Variants in MYO3A observed in about 807,000 individuals in gnomAD.
The protein encoded by MYO3A is myosin IIIA, also known as myosin-IIIa.
MYO3A carries 180 observed loss-of-function variants against 192.7 expected under a neutral mutation model. That is an observed-to-expected ratio of 0.93 (90% confidence interval 0.83 to 1.06). The LOEUF is 1.06. Ranked by LOEUF, MYO3A falls within the 50% of genes least tolerant of loss-of-function variation. The probability of loss-of-function intolerance (pLI) is 0.00; values close to 1 mark genes in which losing one functional copy is unlikely to be tolerated. For missense variants in MYO3A, 1,896 were observed against 1,905.0 expected, an observed-to-expected ratio of 1.00 and a Z score of 0.09; for synonymous variants, 628 against 645.3, an observed-to-expected ratio of 0.97 and a Z score of 0.41.
At chr10:26,121,167 G>A (rs1838837705) in intron 18 of MYO3A, among the ~76,000 whole-genome samples, 1 of 150,764 alleles carries the variant, frequency 6.6e-6, no homozygotes, top group Admixed American at 6.6e-5. Flanking sequence ...AAGTAATAAA[G>A]ACCTGTATGT....
chr10:26,056,203 C>T (rs1441931932), intron 10 of MYO3A, among the ~76,000 whole-genome samples: 1 of 151,978 alleles, frequency 6.6e-6, no homozygotes, highest in Non-Finnish European at 1.5e-5. Context: ...AAATGAAGAA[C>T]AACCTTAATG....
At chr10:26,088,139 C>A in intron 14 of MYO3A, 64 bp from the exon 15 acceptor site, 1 of 1,280,308 alleles carries the variant, frequency 7.8e-7, no homozygotes. Flanking sequence ...AAAGAAGAGA[C>A]ATTTCATTAT....
At chr10:25,965,450 C>G (rs1270534704) in intron 4 of MYO3A, among the ~76,000 whole-genome samples, 1 of 152,022 alleles carries the variant, frequency 6.6e-6, no homozygotes, top group African/African-American at 2.4e-5. Context: ...TTCTCCTCTC[C>G]TCAGGGGGAA....
intron 17 of MYO3A, among the ~76,000 whole-genome samples, chr10:26,116,094 CA>C (rs937244663): frequency 6.6e-6 from 1 of 150,488 alleles, no homozygotes; most frequent in South Asian, 2.1e-4. Context: ...ATAAATTTAA[CA>C]AAAAAAAAGC....
chr10:25,984,805 T>G (rs756103218), intron 4 of MYO3A, among the ~76,000 whole-genome samples: 12 of 152,130 alleles, frequency 7.9e-5, no homozygotes, highest in Non-Finnish European at 1.2e-4. Context: ...AAATGATCAT[T>G]GGTCAACAAT....
chr10:26,015,942 A>G (rs149952743), intron 6 of MYO3A, among the ~76,000 whole-genome samples: 8 of 152,252 alleles, frequency 5.3e-5, no homozygotes, highest in Admixed American at 5.2e-4. Flanking sequence ...CCTAAAATTA[A>G]TGTGACTTTG....
At chr10:25,962,705 C>T (rs548120933) in intron 4 of MYO3A, among the ~76,000 whole-genome samples, 2 of 152,280 alleles carry the variant, frequency 1.3e-5, no homozygotes, top group East Asian at 3.9e-4. Context: ...GGATCAGTAT[C>T]AAGCGTGGAG....
intron 17 of MYO3A, among the ~76,000 whole-genome samples, chr10:26,105,235 A>AT (rs2131609609): frequency 6.6e-6 from 1 of 152,174 alleles, no homozygotes; most frequent in African/African-American, 2.4e-5. Flanking sequence ...TAGTAGTGGA[A>AT]TTTCTGGGTT....
chr10:25,949,493 G>A (rs1837066293), intron 2 of MYO3A, among the ~76,000 whole-genome samples: 1 of 152,082 alleles, frequency 6.6e-6, no homozygotes, highest in Non-Finnish European at 1.5e-5. Flanking sequence ...TCAAGTAGAT[G>A]TAAGAAGTAG....
intron 4 of MYO3A, among the ~76,000 whole-genome samples, chr10:25,981,773 A>C (rs755430963): frequency 3.3e-5 from 5 of 152,236 alleles, no homozygotes; most frequent in Admixed American, 2.0e-4. Flanking sequence ...AAAATGGTGG[A>C]TAGAAGGCAA....
chr10:26,094,635 A>G (rs1171102783), intron 15 of MYO3A, among the ~76,000 whole-genome samples: 1 of 152,134 alleles, frequency 6.6e-6, no homozygotes, highest in Admixed American at 6.5e-5. Context: ...CGTGTTAGCC[A>G]GGATGGTCTC....
At chr10:25,968,059 A>G (rs75837529) in intron 4 of MYO3A, among the ~76,000 whole-genome samples, 3 of 152,128 alleles carry the variant, frequency 2.0e-5, no homozygotes, top group African/African-American at 7.2e-5. Flanking sequence ...TTTGCTGAGC[A>G]CTAAGAAGCT....
At chr10:26,177,904 T>G (rs1332537053) in intron 31 of MYO3A, among the ~76,000 whole-genome samples, 1 of 152,228 alleles carries the variant, frequency 6.6e-6, no homozygotes, top group Non-Finnish European at 1.5e-5. Flanking sequence ...CCTTAATGTT[T>G]TCATCAATTA....
intron 14 of MYO3A, among the ~76,000 whole-genome samples, chr10:26,085,724 G>T (rs1836263648): frequency 6.6e-6 from 1 of 152,190 alleles, no homozygotes; most frequent in Non-Finnish European, 1.5e-5. Context: ...AGCTCCCTCA[G>T]CCAGGCTCAG....
At chr10:26,126,095 T>C (rs1839200537) in intron 19 of MYO3A, among the ~76,000 whole-genome samples, 1 of 152,184 alleles carries the variant, frequency 6.6e-6, no homozygotes. Context: ...GGTTCAGAAA[T>C]GCACTAGATA....
intron 4 of MYO3A, among the ~76,000 whole-genome samples, chr10:25,992,189 C>T (rs144440092): frequency 0.096 from 14,579 of 152,134 alleles, 1,243 homozygotes; most frequent in African/African-American, 0.22. Context: ...TTTTGTTTCA[C>T]TGAGCAGTGG....
At chr10:26,062,530 A>AAAAAACAAAAAAAAAAAAAAAAAACG (rs1554816581) in intron 10 of MYO3A, among the ~76,000 whole-genome samples, 4 of 125,940 alleles carry the variant, frequency 3.2e-5, no homozygotes, top group Non-Finnish European at 6.8e-5. Flanking sequence ...AAAAAAAAAA[A>AAAAAACAAAAAAAAAAAAAAAAAACG]AAATTATGGA....
At chr10:26,086,535 T>C (rs1486929795) in intron 14 of MYO3A, among the ~76,000 whole-genome samples, 1 of 152,108 alleles carries the variant, frequency 6.6e-6, no homozygotes, top group South Asian at 2.1e-4. Context: ...TTTTAGTATC[T>C]TCTATCAGAT....
chr10:26,180,988 A>G (rs888452468), intron 31 of MYO3A, among the ~76,000 whole-genome samples: 7 of 152,278 alleles, frequency 4.6e-5, no homozygotes, highest in East Asian at 3.9e-4. Flanking sequence ...TATTCATTAG[A>G]TAGTAAAATG....
Sources: allele counts gnomAD v4.1 joint callset (sites outside exome capture counted in the v4.1 genomes callset), GRCh38; gene constraint gnomAD v4.1.1; transcripts MANE v1.5; gene names NCBI Gene and HGNC (gene_info 2026-07-23, HGNC 2026-07-21).